Variants in PPP2R1B observed in about 807,000 individuals in gnomAD.
PPP2R1B encodes the protein protein phosphatase 2 scaffold subunit Abeta, also known as serine/threonine-protein phosphatase 2A 65 kDa regulatory subunit A beta isoform.
Under a neutral mutation model 72.7 loss-of-function variants are expected in PPP2R1B, and 58 were observed. That is an observed-to-expected ratio of 0.80 (90% confidence interval 0.65 to 0.99). PPP2R1B has a LOEUF of 0.99. Ranked by LOEUF, PPP2R1B falls within the 50% of genes least tolerant of loss-of-function variation. PPP2R1B has a pLI of 0.00. For missense variants in PPP2R1B, 695 were observed against 733.6 expected, an observed-to-expected ratio of 0.95 and a Z score of 0.61; for synonymous variants, 256 against 264.6, an observed-to-expected ratio of 0.97 and a Z score of 0.32.
intron 2 of PPP2R1B, 151 bp from the exon 3 acceptor site, chr11:111,765,056 G>A (rs1945470857): frequency 3.7e-6 from 5 of 1,347,010 alleles, no homozygotes; most frequent in Non-Finnish European, 5.0e-6. Flanking sequence ...CCGTCTTCCT[G>A]TATCTGCTTT....
intron 10 of PPP2R1B, among the ~76,000 whole-genome samples, chr11:111,750,190 T>A (rs563022897): frequency 2.6e-4 from 39 of 152,140 alleles, no homozygotes; most frequent in Non-Finnish European, 4.9e-4. Context: ...GTTCATAAAC[T>A]AAATGTACTA....
rs118133645 is a variant in PPP2R1B, at chr11:111,744,222, T to G, written c.1400-692A>C. Among the ~76,000 whole-genome samples, 69 of 152,338 alleles carry G rather than the reference T, an allele frequency of 4.5e-4. 1 individual carries two copies. The East Asian group carries it at 0.012, about 27-fold the overall frequency. On this transcript the variant is annotated intron_variant, in intron 11 of 14. Transcript: ENST00000527614. Reference sequence around the variant, plus strand: ...TTTTTAAAGCAAACTTGTGACCTGATGACCAATGTGGAATTTTAGCAAGAT... The same window carrying G: ...TTTTTAAAGCAAACTTGTGACCTGAGGACCAATGTGGAATTTTAGCAAGAT...
In PPP2R1B at chr11:111,742,150, A is replaced by G. The variant is rs1367287597; in HGVS notation, c.1698-6T>C. The G allele has an allele frequency of 1.9e-6, 3 of 1,602,156 alleles. No homozygotes were observed. The highest frequency in any genetic ancestry group is 4.5e-5 in the East Asian group (2 of 44,818). ...TCACTTCTCCCTGTAAAGCACTGAC[A>G]TTCAAAAGTATTATCTGTGAAAGAC... On this transcript the variant is annotated splice_polypyrimidine_tract_variant and splice_region_variant and intron_variant, in intron 13 of 14. Transcript: ENST00000527614.
chr11:111,712,154 G>A, the PPP2R1B span: 79 of 1,486,448 alleles, frequency 5.3e-5, no homozygotes, highest in Non-Finnish European at 1.0e-5. Flanking sequence ...AGAACTTTGT[G>A]TATTTATAGA....
chr11:111,702,672 G>A, the PPP2R1B span, among the ~76,000 whole-genome samples: 1 of 152,282 alleles, frequency 6.6e-6, no homozygotes, highest in African/African-American at 2.4e-5. Flanking sequence ...AGAGCATCAT[G>A]TCAGCTCAGA....
chr11:111,752,339 G>A lies in PPP2R1B; in HGVS notation c.1165-7C>T. The A allele has an allele frequency of 6.3e-7, 1 of 1,596,696 alleles. No individual in the cohort carries two copies. Among genetic ancestry groups the A allele is most frequent in the Non-Finnish European group, 8.5e-7 (1 of 1,170,988 alleles). ...TCAAACGAACGTCAGGACACTGCAAGTACACAAGCCCCAAAAGACCACATT... is the reference window on the plus strand; with the variant it reads ...TCAAACGAACGTCAGGACACTGCAAATACACAAGCCCCAAAAGACCACATT... On this transcript the variant is annotated splice_region_variant and splice_polypyrimidine_tract_variant and intron_variant, in intron 9 of 14. Coordinates refer to ENST00000527614, the MANE Select transcript of PPP2R1B (RefSeq NM_002716.5).
At chr11:111,728,251 C>T (rs1299033077) in intron 15 of PPP2R1B, 1 of 151,734 alleles carries the variant, frequency 6.6e-6, no homozygotes, top group East Asian at 2.0e-4. Flanking sequence ...ATTGTACAGG[C>T]AGGGATCTTT....
chr11:111,740,467 T>C lies in PPP2R1B; in HGVS notation c.*1129A>G, dbSNP rs909564224. 1.3e-5 allele frequency: 13 copies of C among 983,512 alleles called. No homozygotes were observed. Among genetic ancestry groups the C allele is most frequent in the African/African-American group, 1.8e-5 (1 of 57,136 alleles). 60.9% of individuals were successfully genotyped at this position (983,512 alleles called of 1,614,324 possible). On this transcript the variant is annotated 3_prime_UTR_variant, in exon 15 of 15. Transcript: ENST00000527614. Reference sequence around the variant, plus strand: ...ATTCTTGACCTCAAATGATCCCAAATAGGTGCTTTTTAAAAAGGGCTTTAA... The same window carrying C: ...ATTCTTGACCTCAAATGATCCCAAACAGGTGCTTTTTAAAAAGGGCTTTAA...
At chr11:111,765,518 G>T in intron 1 of PPP2R1B, 134 bp from the exon 2 acceptor site, 1 of 746,734 alleles carries the variant, frequency 1.3e-6, no homozygotes, top group Non-Finnish European at 2.1e-6. Flanking sequence ...AGATTTTACT[G>T]TTAAGGAAGC....
the PPP2R1B span, among the ~76,000 whole-genome samples, chr11:111,696,039 T>G: frequency 6.6e-6 from 1 of 152,210 alleles, no homozygotes; most frequent in Non-Finnish European, 1.5e-5. Context: ...GGCTGGTTAA[T>G]TAAGTAAGAG....
intron 14 of PPP2R1B, 100 bp downstream of exon 14, chr11:111,741,953 T>C (rs1944536521): frequency 1.9e-6 from 2 of 1,055,740 alleles, no homozygotes; most frequent in South Asian, 1.3e-5. Flanking sequence ...CTGTTTCCCA[T>C]AATACTTATC....
the PPP2R1B span, chr11:111,719,858 C>T: frequency 1.9e-6 from 3 of 1,613,964 alleles, no homozygotes; most frequent in East Asian, 4.5e-5. Flanking sequence ...TGATGGAGAC[C>T]TCCATTGACG....
At chr11:111,722,021 T>A, downstream of PPP2R1B, 1 of 1,114,000 alleles carries the variant, frequency 9.0e-7, no homozygotes, top group Non-Finnish European at 1.2e-6. This position sits in a 1 kb window ranked among gnomAD's most constrained non-coding sequence, Gnocchi z 4.4. Context: ...GTGTTTTGCC[T>A]GGCATTTATT....
the PPP2R1B span, among the ~76,000 whole-genome samples, chr11:111,698,513 G>A: frequency 4.6e-5 from 7 of 152,314 alleles, no homozygotes; most frequent in East Asian, 3.9e-4. Context: ...AGGCCACAGC[G>A]GGTGGATTGC....
the PPP2R1B span, among the ~76,000 whole-genome samples, chr11:111,719,434 C>A: frequency 6.8e-6 from 1 of 146,356 alleles, no homozygotes; most frequent in Non-Finnish European, 1.5e-5. Context: ...TCTTCATTTC[C>A]CTTATTTAAA....
the PPP2R1B span, among the ~76,000 whole-genome samples, chr11:111,711,419 C>T: frequency 6.6e-6 from 1 of 152,196 alleles, no homozygotes; most frequent in Admixed American, 6.5e-5. Context: ...CCGCGCCTGG[C>T]CTTAAATGAT....
the PPP2R1B span, chr11:111,704,936 T>C: frequency 1.6e-5 from 24 of 1,498,634 alleles, no homozygotes; most frequent in African/African-American, 2.1e-4. Flanking sequence ...GTGTAGATCA[T>C]TGCATTGGTC....
Position 111,755,032 on chromosome 11 carries a change from T to G in PPP2R1B, c.906A>C (p.Leu302=). 1.2e-6 allele frequency: 2 copies of G among 1,614,122 alleles called. No homozygotes were observed. Among genetic ancestry groups the G allele is most frequent in the Non-Finnish European group, 1.7e-6 (2 of 1,179,978 alleles). ...LNDLIPAFQN[L]LKDCEAEVRA... is the part of the protein sequence containing the mutation. ...GGACTTCAGCTTCACAGTCTTTAAG[T>G]AGGTTCTGAAAGGCGGGGATGAGGT... Residue 302 remains leucine, a synonymous_variant, in exon 7 of 15, where the codon CTA becomes CTC. Transcript: ENST00000527614.
In PPP2R1B at chr11:111,738,535, G is replaced by A. The variant is rs1248126744; in HGVS notation, c.*3061C>T. ...GTCTACGCAAGCAACCTGAATGCCT[G>A]GACAAGCCAGCTCAAAGGTCAGGCT... is the stretch of plus-strand genomic sequence containing the variant. On this transcript the variant is annotated 3_prime_UTR_variant, in exon 15 of 15. Coordinates refer to ENST00000527614, the MANE Select transcript of PPP2R1B (RefSeq NM_002716.5). The A allele has an allele frequency of 1.0e-6, 1 of 985,346 alleles. No individual in the cohort carries two copies. Among genetic ancestry groups the A allele is most frequent in the Non-Finnish European group, 1.2e-6 (1 of 829,958 alleles). 61.0% of individuals were successfully genotyped at this position (985,346 alleles called of 1,614,324 possible). A position where few individuals can be genotyped will look rare whatever the true frequency, so the allele number is the denominator to read the frequency against.
Sources: allele counts gnomAD v4.1 joint callset (sites outside exome capture counted in the v4.1 genomes callset), GRCh38; gene constraint gnomAD v4.1.1; non-coding constraint Gnocchi (gnomAD v3.1); transcripts MANE v1.5; gene names NCBI Gene and HGNC (gene_info 2026-07-23, HGNC 2026-07-21).